Variants in SGSM1 observed in about 807,000 individuals in gnomAD.
The protein encoded by SGSM1 is small G protein signaling modulator 1, also known as RUN and TBC1 domain containing 2.
In SGSM1, 73 loss-of-function variants were observed where a neutral mutation model predicts 133.8. That is an observed-to-expected ratio of 0.55 (90% CI 0.45 to 0.66). SGSM1 has a LOEUF of 0.66. Among genes scored for constraint, SGSM1 ranks in the 30% least tolerant of loss-of-function variants. The pLI, the probability that SGSM1 is intolerant of heterozygous loss-of-function variation, is 0.00. For synonymous variants in SGSM1, 563 were observed against 573.0 expected (o/e 0.98, Z 0.25); for missense variants, 1,213 against 1,448.1 (o/e 0.84, Z 2.64).
At chr22:24,863,685 G>A (rs1223365594) in intron 9 of SGSM1, among the ~76,000 whole-genome samples, 1 of 152,052 alleles carries the variant, frequency 6.6e-6, no homozygotes, top group Non-Finnish European at 1.5e-5. Context: ...GGACCAAGAA[G>A]CAATGAAATG....
At position 24,898,367 on chromosome 22, in the gene SGSM1, G is replaced by C. The variant is rs765227631; in HGVS notation, c.2418G>C (p.Leu806=). The part of the protein sequence containing the change: ...MSITGSLDMA[L]PEKDDVVMEG... ...TCACGGGCAGCCTGGACATGGCCCT[G>C]CCTGAAAAGGACGATGTTGTGATGG... is the stretch of plus-strand genomic sequence containing the variant. Residue 806 remains leucine (L), a synonymous_variant, in exon 19 of 25, where the codon CTG becomes CTC. Transcript: ENST00000400358. 53 of 1,613,784 alleles carry C rather than the reference G, an allele frequency of 3.3e-5. No individual in the cohort carries two copies. Among genetic ancestry groups the C allele is most frequent in the Non-Finnish European group, 4.2e-5 (50 of 1,179,876 alleles).
At chr22:24,819,385 ATAGAGCATT>A (rs1449086019) in intron 2 of SGSM1, among the ~76,000 whole-genome samples, 2 of 152,224 alleles carry the variant, frequency 1.3e-5, no homozygotes, top group East Asian at 3.8e-4. Flanking sequence ...CAGCACGGGT[ATAGAGCATT>A]TCTCAAAAAG....
At chr22:24,901,808 T>A in intron 19 of SGSM1, 25 bp from the exon 20 acceptor site, 4 of 1,609,432 alleles carry the variant, frequency 2.5e-6, no homozygotes, top group Non-Finnish European at 2.5e-6. Context: ...TTCTTCCCCC[T>A]ACCCCCTGCC....
At chr22:24,813,285 G>T (rs891150440) in intron 2 of SGSM1, among the ~76,000 whole-genome samples, 1 of 152,212 alleles carries the variant, frequency 6.6e-6, no homozygotes, top group Non-Finnish European at 1.5e-5. Flanking sequence ...GGCATCGAAG[G>T]CTTTGGCTTT....
chr22:24,841,385 T>C (rs548040702), intron 2 of SGSM1, among the ~76,000 whole-genome samples: 14 of 152,368 alleles, frequency 9.2e-5, no homozygotes, highest in African/African-American at 2.9e-4. Flanking sequence ...ATATTCTCTC[T>C]CCTGGAGAAT....
chr22:24,899,044 A>C (rs995971141), intron 19 of SGSM1, among the ~76,000 whole-genome samples: 88 of 151,228 alleles, frequency 5.8e-4, no homozygotes, highest in African/African-American at 2.0e-3. Context: ...AAAAAAAAAA[A>C]AAACGTGTAC....
rs1555926272 is a variant in SGSM1 at position 24,858,654 on chromosome 22, A to AAAGAAG, written c.802-1059_802-1054dup. Reference sequence around the variant, plus strand: ...CCATCTCAAAAAAAAAAAAAAAAAAAAAGAAGAAAGACAATCTGGACTTGT... The same window carrying AAAGAAG: ...CCATCTCAAAAAAAAAAAAAAAAAAAAAGAAGAAGAAGAAAGACAATCTGGACTTGT... On this transcript the variant is annotated intron_variant, in intron 8 of 24. Coordinates refer to ENST00000400358, the MANE Select transcript of SGSM1 (RefSeq NM_001098497.3). 7.7e-5 allele frequency among the ~76,000 whole-genome samples: 11 copies of AAAGAAG among 142,770 alleles called. No individual in the cohort carries two copies. In the East Asian group the frequency reaches 1.7e-3, roughly 22 times the overall value. The allele number at this position is 142,770 out of a possible 152,430, so 93.7% of individuals were successfully genotyped here. A position where few individuals can be genotyped will look rare whatever the true frequency, so the allele number is the denominator to read the frequency against.
In SGSM1 at chr22:24,859,627, A is replaced by G. The variant is rs780284708; in HGVS notation, c.802-89A>G. 5 of 1,562,662 alleles carry G rather than the reference A, an allele frequency of 3.2e-6. No homozygotes were observed. The South Asian group carries it at 3.4e-5, about 11-fold the overall frequency. ...GGATTAACCCAACCTCTTAGTTCTG[A>G]TTATGTGTTCTTAAATCAAACGGGC... On this transcript the variant is annotated intron_variant, in intron 8 of 24. Coordinates refer to ENST00000400358, the MANE Select transcript of SGSM1 (RefSeq NM_001098497.3).
intron 12 of SGSM1, among the ~76,000 whole-genome samples, chr22:24,869,893 A>T (rs1373589972): frequency 1.3e-5 from 2 of 152,240 alleles, no homozygotes; most frequent in East Asian, 3.8e-4. Context: ...AGATTTGAAA[A>T]GTACTTAGAA....
Position 24,924,823 on chromosome 22 carries a change from A to T in SGSM1, c.*549A>T, listed in dbSNP as rs1203874288. The stretch of plus-strand genomic sequence containing the variant: ...TCTTTTTGAGGGGACTGTCCCCTGC[A>T]TTGTAGGATGCTGAGCAGCATCCCG... On this transcript the variant is annotated 3_prime_UTR_variant, in exon 25 of 25. Coordinates refer to ENST00000400358, the MANE Select transcript of SGSM1 (RefSeq NM_001098497.3). 1 of 156,356 alleles carries T rather than the reference A, an allele frequency of 6.4e-6. No homozygotes were observed. Among genetic ancestry groups the T allele is most frequent in the Non-Finnish European group, 1.4e-5 (1 of 70,718 alleles). The allele number at this position is 156,356 out of a possible 1,614,324, so 9.7% of individuals were successfully genotyped here.
chr22:24,866,476 A>C (rs1039309269), intron 9 of SGSM1, among the ~76,000 whole-genome samples: 2 of 152,160 alleles, frequency 1.3e-5, no homozygotes, highest in Non-Finnish European at 2.9e-5. Flanking sequence ...GAGAAAACGA[A>C]ATTCAAGCTG....
chr22:24,885,612 C>T (rs535192329), intron 15 of SGSM1, among the ~76,000 whole-genome samples: 23 of 151,976 alleles, frequency 1.5e-4, no homozygotes, highest in Admixed American at 1.5e-3. Context: ...TTTTTAGAGA[C>T]GAGGTTTCAC....
rs574160335 is a variant in SGSM1, at chr22:24,895,269, G to A, written c.2000G>A (p.Ser667Asn). Reference sequence around the variant, plus strand: ...GGCCGCCAGAACATCCGCCTGCACAGCGACTCCAGCAGCAGCACACAGGTG... The same window carrying A: ...GGCCGCCAGAACATCCGCCTGCACAACGACTCCAGCAGCAGCACACAGGTG... ...SSGRQNIRLH[S>N]DSSSSTQVFE... Residue 667 changes from serine to asparagine, a missense_variant, in exon 18 of 25, where the codon AGC becomes AAC. Transcript: ENST00000400358. The A allele has an allele frequency of 1.5e-5, 24 of 1,612,050 alleles. No individual in the cohort carries two copies. The highest frequency in any genetic ancestry group is 1.3e-4 in the African/African-American group (10 of 74,990).
At chr22:24,923,491 C>T (rs1480661882) in intron 24 of SGSM1, among the ~76,000 whole-genome samples, 1 of 152,142 alleles carries the variant, frequency 6.6e-6, no homozygotes, top group Non-Finnish European at 1.5e-5. Context: ...CCTTTCTCCT[C>T]TTCCTTCTCC....
intron 21 of SGSM1, among the ~76,000 whole-genome samples, chr22:24,912,109 C>A (rs933718119): frequency 2.0e-5 from 3 of 150,704 alleles, no homozygotes; most frequent in Non-Finnish European, 3.0e-5. Flanking sequence ...ACAAGAAAAG[C>A]CTGAGAAACT....
chr22:24,863,735 T>C (rs911635364), intron 9 of SGSM1, among the ~76,000 whole-genome samples: 1 of 149,878 alleles, frequency 6.7e-6, no homozygotes, highest in Non-Finnish European at 1.5e-5. Context: ...GCTCTTTTTT[T>C]CTTCTTTTCT....
intron 11 of SGSM1, 38 bp from the exon 12 acceptor site, chr22:24,868,685 G>A: frequency 1.2e-6 from 2 of 1,611,858 alleles, no homozygotes; most frequent in Non-Finnish European, 1.7e-6. Context: ...GGGGACAGAT[G>A]TGTCCCAAGG....
chr22:24,813,211 A>G (rs1248118840), intron 2 of SGSM1, among the ~76,000 whole-genome samples: 1 of 152,180 alleles, frequency 6.6e-6, no homozygotes, highest in Non-Finnish European at 1.5e-5. Context: ...GAGTGAAGTA[A>G]ACAAGAGTAG....
chr22:24,856,618 A>G (rs1011215484), intron 8 of SGSM1, among the ~76,000 whole-genome samples: 5 of 151,812 alleles, frequency 3.3e-5, no homozygotes, highest in South Asian at 4.2e-4. Flanking sequence ...ACCATCAGCC[A>G]CTCCATCTCT....
Sources: allele counts gnomAD v4.1 joint callset (sites outside exome capture counted in the v4.1 genomes callset), GRCh38; gene constraint gnomAD v4.1.1; transcripts MANE v1.5; gene names NCBI Gene and HGNC (gene_info 2026-07-23, HGNC 2026-07-21).